The following CUTC variants were observed in gnomAD, a reference collection of about 807,000 sequenced individuals.
The protein encoded by CUTC is cutC copper transporter.
Under a neutral mutation model 36.2 loss-of-function variants are expected in CUTC, and 27 were observed. The observed-to-expected ratio is 0.75, with a 90% CI of 0.55 to 1.03. The LOEUF (loss-of-function observed/expected upper bound fraction) is 1.03, where lower values mean the gene tolerates loss of function less well. CUTC is among the 50% of genes least tolerant of loss of function. The pLI, the probability that CUTC is intolerant of heterozygous loss-of-function variation, is 0.00. For synonymous variants in CUTC, 114 were observed against 118.3 expected, an observed-to-expected ratio of 0.96 and a Z score of 0.24; for missense variants, 315 against 343.5, an observed-to-expected ratio of 0.92 and a Z score of 0.66.
chr10:99,751,628 C>T lies in CUTC; in HGVS notation c.601+1232C>T, dbSNP rs145881796. 7.7e-3 allele frequency among the ~76,000 whole-genome samples: 1,168 copies of T among 152,342 alleles called. 13 individuals carry two copies. The highest frequency in any genetic ancestry group is 0.012 in the Non-Finnish European group (790 of 68,034). On this transcript the variant is annotated intron_variant, in intron 7 of 8. Coordinates refer to ENST00000370476, the MANE Select transcript of CUTC (RefSeq NM_015960.3). The stretch of plus-strand genomic sequence containing the variant: ...ATCCCAGCACTTTGGGAGTCTGAGG[C>T]AGCCAGATCACCTGAGGTCAAGAGT...
intron 1 of CUTC, among the ~76,000 whole-genome samples, chr10:99,733,902 G>C (rs2037264484): frequency 6.6e-6 from 1 of 151,938 alleles, no homozygotes. Context: ...GTCCTTTCTT[G>C]TGTGAGGCAA....
rs983444986 is a variant in CUTC at position 99,747,361 on chromosome 10, C to T, written c.544C>T (p.Leu182=). Reference sequence around the variant, plus strand: ...ATGTGACAGTTCAGCATTAGAAGGGCTACCCCTAATAAAGCGACTCATTGA... The same window carrying T: ...ATGTGACAGTTCAGCATTAGAAGGGTTACCCCTAATAAAGCGACTCATTGA... ...SGCDSSALEG[L]PLIKRLIEQA... The change falls in exon 6 of 9, where the codon CTA becomes TTA. Residue 182 remains leucine, a synonymous_variant. Transcript: ENST00000370476. 5.0e-6 allele frequency: 8 copies of T among 1,614,204 alleles called. No homozygotes were observed. The highest frequency in any genetic ancestry group is 6.8e-6 in the Non-Finnish European group (8 of 1,180,036).
intron 2 of CUTC, among the ~76,000 whole-genome samples, chr10:99,737,977 C>A (rs2037310267): frequency 6.6e-6 from 1 of 152,068 alleles, no homozygotes; most frequent in Non-Finnish European, 1.5e-5. Flanking sequence ...GAAACCCCGT[C>A]TCTACTAAAA....
intron 3 of CUTC, among the ~76,000 whole-genome samples, chr10:99,741,066 A>T (rs1035357762): frequency 6.6e-6 from 1 of 152,242 alleles, no homozygotes; most frequent in Non-Finnish European, 1.5e-5. Context: ...TTATCATCTA[A>T]TAATATATCT....
At chr10:99,741,419 T>A (rs2037339780) in intron 3 of CUTC, among the ~76,000 whole-genome samples, 1 of 152,216 alleles carries the variant, frequency 6.6e-6, no homozygotes, top group Admixed American at 6.5e-5. Flanking sequence ...TTGCGTAGTT[T>A]CTTTGCATGC....
intron 6 of CUTC, among the ~76,000 whole-genome samples, chr10:99,749,366 T>G (rs1258949057): frequency 6.6e-6 from 1 of 152,172 alleles, no homozygotes; most frequent in Non-Finnish European, 1.5e-5. Flanking sequence ...AGAATAGTTG[T>G]GAGGGATTTC....
Position 99,736,308 on chromosome 10 carries a change from G to A in CUTC, c.124G>A (p.Glu42Lys). 6.2e-7 allele frequency: 1 copy of A among 1,612,894 alleles called. No individual in the cohort carries two copies. Among genetic ancestry groups the A allele is most frequent in the Non-Finnish European group, 8.5e-7 (1 of 1,178,974 alleles). The change falls in exon 2 of 9, where the codon GAA (glutamate) becomes AAA (lysine). Residue 42 changes from glutamate (E) to lysine (K), a missense_variant. Coordinates refer to ENST00000370476, the MANE Select transcript of CUTC (RefSeq NM_015960.3). ...VDSVESAVNA[E>K]RGGADRIELC... ...TTCAGTGGAATCAGCTGTGAATGCAGAAAGAGGAGGTAAGAGAAATCAGAT... is the reference window on the plus strand; with the variant it reads ...TTCAGTGGAATCAGCTGTGAATGCAAAAAGAGGAGGTAAGAGAAATCAGAT...
chr10:99,740,600 A>C (rs944331946), intron 3 of CUTC, among the ~76,000 whole-genome samples: 3 of 151,974 alleles, frequency 2.0e-5, no homozygotes, highest in African/African-American at 4.8e-5. Flanking sequence ...CTTATGGTGT[A>C]CCTGAGTATA....
At chr10:99,732,999 AT>A (rs201695245) in intron 1 of CUTC, among the ~76,000 whole-genome samples, 1 of 152,048 alleles carries the variant, frequency 6.6e-6, no homozygotes, top group African/African-American at 2.4e-5. Context: ...ATCCTCAAAG[AT>A]TTTTTCTTTA....
rs776247573 is a variant in CUTC at position 99,732,328 on chromosome 10, C to A, written c.-21C>A. The A allele has an allele frequency of 6.4e-7, 1 of 1,551,354 alleles. No individual in the cohort carries two copies. The highest frequency in any genetic ancestry group is 1.2e-5 in the South Asian group (1 of 84,076). On this transcript the variant is annotated 5_prime_UTR_variant, in exon 1 of 9. Transcript: ENST00000370476. ...ATTCCAAGTGGAAACTGCAGGCGCACGAGGGAGGAACGCGTGGAGCATGAA... is the reference window on the plus strand; with the variant it reads ...ATTCCAAGTGGAAACTGCAGGCGCAAGAGGGAGGAACGCGTGGAGCATGAA...
intron 7 of CUTC, among the ~76,000 whole-genome samples, chr10:99,751,085 C>T (rs1172925387): frequency 6.6e-6 from 1 of 152,046 alleles, no homozygotes; most frequent in Non-Finnish European, 1.5e-5. Flanking sequence ...TATGCTCATT[C>T]CCTAGATTTA....
At chr10:99,746,996 G>A (rs1436608793) in intron 5 of CUTC, among the ~76,000 whole-genome samples, 1 of 152,060 alleles carries the variant, frequency 6.6e-6, no homozygotes, top group Non-Finnish European at 1.5e-5. Flanking sequence ...TCAAACTCCT[G>A]CGCTCAAGTG....
At chr10:99,744,339 G>A (rs909251111) in intron 5 of CUTC, among the ~76,000 whole-genome samples, 2 of 152,196 alleles carry the variant, frequency 1.3e-5, no homozygotes, top group African/African-American at 4.8e-5. Context: ...GCCTTCAAGT[G>A]TGTGTACCTA....
chr10:99,744,998 G>A (rs981744521), intron 5 of CUTC, among the ~76,000 whole-genome samples: 2 of 152,104 alleles, frequency 1.3e-5, no homozygotes, highest in African/African-American at 2.4e-5. Flanking sequence ...TGATCCACCC[G>A]CCTTGGTCTC....
intron 3 of CUTC, among the ~76,000 whole-genome samples, chr10:99,740,092 T>G (rs1031375814): frequency 6.6e-6 from 1 of 152,128 alleles, no homozygotes; most frequent in African/African-American, 2.4e-5. Context: ...TGTGCTATTG[T>G]TGTCATATAT....
intron 3 of CUTC, among the ~76,000 whole-genome samples, chr10:99,740,862 A>AT: frequency 6.6e-6 from 1 of 152,000 alleles, no homozygotes. Context: ...GCACTATCTA[A>AT]TCTGCTATTA....
At chr10:99,751,549 TA>T (rs1205725753) in intron 7 of CUTC, among the ~76,000 whole-genome samples, 2 of 49,644 alleles carry the variant, frequency 4.0e-5, no homozygotes, top group African/African-American at 1.5e-4. Flanking sequence ...TTTCTTGCTT[TA>T]AAAAAAAGTT....
rs184723845 is a variant in CUTC, at chr10:99,746,565, A to G, written c.440-692A>G. On this transcript the variant is annotated intron_variant, in intron 5 of 8. Coordinates refer to ENST00000370476, the MANE Select transcript of CUTC (RefSeq NM_015960.3). The stretch of plus-strand genomic sequence containing the variant: ...AAATAGAAACTTTTATAATTACTTT[A>G]TATTGAAAACTTTTCATTTCTTATC... 3.4e-4 allele frequency among the ~76,000 whole-genome samples: 52 copies of G among 152,296 alleles called. 1 individual carries two copies. In the East Asian group the frequency reaches 7.3e-3, roughly 21 times the overall value.
chr10:99,734,751 G>T (rs913978110), intron 1 of CUTC, among the ~76,000 whole-genome samples: 3 of 151,992 alleles, frequency 2.0e-5, no homozygotes, highest in African/African-American at 7.3e-5. Context: ...TGATTATTGT[G>T]TACCATGGTA....
Sources: gnomAD v4.1 joint callset for allele counts (sites outside exome capture counted in the v4.1 genomes callset) on GRCh38, gnomAD v4.1.1 for gene constraint, MANE v1.5 for transcripts, NCBI Gene and HGNC (gene_info 2026-07-23, HGNC 2026-07-21) for gene names.